MIB1: variants seen among roughly 807,000 people sequenced by gnomAD.
MIB1 encodes the protein E3 ubiquitin-protein ligase MIB1.
MIB1 carries 278 observed loss-of-function variants against 124.5 expected under a neutral mutation model. That is an observed-to-expected ratio of 2.23 (90% confidence interval 2.02 to 2.47). The LOEUF (loss-of-function observed/expected upper bound fraction) is 2.47. Among genes scored for constraint, MIB1 ranks in the 30% most tolerant of loss-of-function variants. The pLI is 0.00. For missense variants in MIB1, 957 were observed against 1,254.4 expected (o/e 0.76, Z 3.58); for synonymous variants, 446 against 429.4 (o/e 1.04, Z -0.48).
chr18:21,837,946 T>C (rs1351971712), intron 12 of MIB1, among the ~76,000 whole-genome samples: 1 of 152,240 alleles, frequency 6.6e-6, no homozygotes, highest in East Asian at 1.9e-4. Context: ...ATAAATACTG[T>C]TGATACTGAA....
intron 18 of MIB1, among the ~76,000 whole-genome samples, chr18:21,856,634 A>T (rs1233006170): frequency 6.6e-6 from 1 of 152,238 alleles, no homozygotes; most frequent in Admixed American, 6.5e-5. Context: ...CCTAGATGAC[A>T]GGTTGATAGG....
intron 7 of MIB1, 118 bp from the exon 8 acceptor site, chr18:21,797,966 T>G: frequency 1.1e-6 from 1 of 923,506 alleles, no homozygotes. Context: ...TGGTTATCCT[T>G]TGAAAGTTTT....
intron 1 of MIB1, among the ~76,000 whole-genome samples, chr18:21,744,362 G>A (rs371412683): frequency 2.6e-5 from 4 of 152,068 alleles, no homozygotes; most frequent in Non-Finnish European, 4.4e-5. Flanking sequence ...TACAAAACTA[G>A]TAAGAGTTGC....
chr18:21,809,252 G>C (rs1444351309), intron 10 of MIB1, among the ~76,000 whole-genome samples: 1 of 152,026 alleles, frequency 6.6e-6, no homozygotes, highest in East Asian at 1.9e-4. Context: ...AACTGGTAAG[G>C]AGATTGAATC....
chr18:21,749,831 C>G (rs905721298), intron 1 of MIB1, among the ~76,000 whole-genome samples: 1 of 151,534 alleles, frequency 6.6e-6, no homozygotes, highest in South Asian at 2.1e-4. Flanking sequence ...CAGTAGAGAC[C>G]GTGTTTCCCC....
Position 21,870,539 on chromosome 18 carries a change from C to T in MIB1, c.*5873C>T, listed in dbSNP as rs1354222739. ...AAGATTCAGCTTTTTCTATAAAAAG[C>T]TTATTCCTCTTCACAACTCAGATGT... On this transcript the variant is annotated 3_prime_UTR_variant, in exon 21 of 21. Coordinates refer to ENST00000261537, the MANE Select transcript of MIB1 (RefSeq NM_020774.4). 4 of 152,132 alleles carry T rather than the reference C, an allele frequency of 2.6e-5. No individual in the cohort carries two copies. Among genetic ancestry groups the T allele is most frequent in the Non-Finnish European group, 4.4e-5 (3 of 68,004 alleles). 9.4% of individuals were successfully genotyped at this position (152,132 alleles called of 1,614,324 possible).
intron 6 of MIB1, among the ~76,000 whole-genome samples, chr18:21,789,785 G>A (rs2041481314): frequency 6.6e-6 from 1 of 151,998 alleles, no homozygotes; most frequent in Admixed American, 6.6e-5. Flanking sequence ...AAAAAATAAA[G>A]CAAACAAAGA....
intron 10 of MIB1, among the ~76,000 whole-genome samples, chr18:21,806,205 A>ATT (rs1228812095): frequency 6.2e-4 from 85 of 138,210 alleles, no homozygotes; most frequent in African/African-American, 2.1e-3. Context: ...GCCTGGCCAG[A>ATT]TTTTTTTTTT....
At chr18:21,783,130 C>T (rs987588104) in intron 6 of MIB1, among the ~76,000 whole-genome samples, 1 of 151,782 alleles carries the variant, frequency 6.6e-6, no homozygotes, top group Non-Finnish European at 1.5e-5. Context: ...TATCTTTTTC[C>T]ATCCCTTCAC....
At chr18:21,857,309 C>G in intron 19 of MIB1, 66 bp downstream of exon 19, 1 of 938,382 alleles carries the variant, frequency 1.1e-6, no homozygotes, top group South Asian at 1.3e-5. Flanking sequence ...AACACCTCTT[C>G]TCTTTCGTAA....
chr18:21,832,760 T>C (rs1370964549), intron 12 of MIB1, among the ~76,000 whole-genome samples: 7 of 152,204 alleles, frequency 4.6e-5, no homozygotes, highest in Non-Finnish European at 8.8e-5. Context: ...TCTTTAGATA[T>C]TGGGCAATTT....
intron 7 of MIB1, among the ~76,000 whole-genome samples, chr18:21,795,777 C>G (rs2041571931): frequency 6.6e-6 from 1 of 152,010 alleles, no homozygotes. Context: ...AGAATAGACC[C>G]TAAAGAACTG....
At chr18:21,798,494 T>A (rs1020841278) in intron 8 of MIB1, among the ~76,000 whole-genome samples, 1 of 152,028 alleles carries the variant, frequency 6.6e-6, no homozygotes, top group Non-Finnish European at 1.5e-5. Context: ...TATCAGGGGA[T>A]TTTCCACATC....
chr18:21,855,939 A>G (rs1349231475), intron 18 of MIB1, among the ~76,000 whole-genome samples: 2 of 152,226 alleles, frequency 1.3e-5, no homozygotes, highest in African/African-American at 4.8e-5. Context: ...AGTATTAACA[A>G]TCATAACAGG....
At chr18:21,794,455 C>CTG (rs1263227268) in intron 7 of MIB1, among the ~76,000 whole-genome samples, 1 of 151,866 alleles carries the variant, frequency 6.6e-6, no homozygotes, top group Non-Finnish European at 1.5e-5. Flanking sequence ...CTCTCTCTCT[C>CTG]TCTCTCTCTC....
intron 1 of MIB1, among the ~76,000 whole-genome samples, chr18:21,745,891 G>C (rs1376926071): frequency 6.6e-6 from 1 of 151,972 alleles, no homozygotes; most frequent in African/African-American, 2.4e-5. Flanking sequence ...ATTTTTGGTA[G>C]AGACGGGGTT....
At position 21,819,647 on chromosome 18, in the gene MIB1, G is replaced by T. The variant is rs375597323; in HGVS notation, c.1829+1G>T. The T allele has an allele frequency of 2.6e-6, 4 of 1,524,274 alleles. No homozygotes were observed. Among genetic ancestry groups the T allele is most frequent in the African/African-American group, 1.4e-5 (1 of 72,454 alleles). 94.4% of individuals were successfully genotyped at this position (1,524,274 alleles called of 1,614,324 possible). On this transcript the variant is annotated splice_donor_variant, in intron 12 of 20. Transcript: ENST00000261537. LOFTEE classifies it high-confidence loss of function. The stretch of plus-strand genomic sequence containing the variant: ...ATGCTGCACTAAGGGGAAATCCCAG[G>T]TATGTCACCCCTTACTATTTTAGGT...
intron 7 of MIB1, among the ~76,000 whole-genome samples, 169 bp from the exon 8 acceptor site, chr18:21,797,915 T>C (rs911494222): frequency 1.3e-5 from 2 of 152,116 alleles, no homozygotes; most frequent in Non-Finnish European, 2.9e-5. Flanking sequence ...TTAAAAGATA[T>C]TTTTTAACAT....
intron 1 of MIB1, among the ~76,000 whole-genome samples, chr18:21,725,094 CAAAAAAAA>C (rs1218383555): frequency 2.3e-5 from 1 of 44,208 alleles, no homozygotes; most frequent in African/African-American, 8.3e-5. Flanking sequence ...GACTCTGTCT[CAAAAAAAA>C]AAAAAAAAAA....
Sources: gnomAD v4.1 joint callset for allele counts (sites outside exome capture counted in the v4.1 genomes callset) on GRCh38, gnomAD v4.1.1 for gene constraint, MANE v1.5 for transcripts, NCBI Gene and HGNC (gene_info 2026-07-23, HGNC 2026-07-21) for gene names.